MEGF8: variants seen among roughly 807,000 people sequenced by gnomAD.
MEGF8 encodes multiple EGF like domains 8.
MEGF8 carries 156 observed loss-of-function variants against 302.9 expected under a neutral mutation model. That is an observed-to-expected ratio of 0.52 (90% confidence interval 0.45 to 0.59). MEGF8 has a LOEUF of 0.59. Among genes scored for constraint, MEGF8 ranks in the 20% least tolerant of loss-of-function variants. MEGF8 has a pLI of 0.00. For synonymous variants in MEGF8, 1,621 were observed against 1,660.5 expected (o/e 0.98, Z 0.58); for missense variants, 3,345 against 3,964.5 (o/e 0.84, Z 4.20).
intron 34 of MEGF8, 46 bp from the exon 35 acceptor site, chr19:42,363,002 G>T (rs201232345): frequency 6.5e-7 from 1 of 1,530,162 alleles, no homozygotes; most frequent in Non-Finnish European, 9.0e-7. Flanking sequence ...GGCTGGGCTT[G>T]CGATCTCCTG....
Position 42,368,311 on chromosome 19 carries a change from G to A in MEGF8, c.6274-144G>A. On this transcript the variant is annotated intron_variant, in intron 35 of 41. Coordinates refer to ENST00000251268, the MANE Select transcript of MEGF8 (RefSeq NM_001271938.2). The surrounding 1 kb of genome is among the most constrained non-coding windows in gnomAD (Gnocchi z 4.9). ...AGGGAAAACATGATGACCCCAGCTA[G>A]TGTCCACTTTGCTCTACCTGTGGCC... is the stretch of plus-strand genomic sequence containing the variant. 1.5e-6 allele frequency: 1 copy of A among 671,504 alleles called. No homozygotes were observed. Among genetic ancestry groups the A allele is most frequent in the South Asian group, 2.0e-5 (1 of 49,196 alleles). 41.6% of individuals were successfully genotyped at this position (671,504 alleles called of 1,614,324 possible).
Position 42,362,617 on chromosome 19 carries a change from C to G in MEGF8, c.6058+20C>G. On this transcript the variant is annotated intron_variant, in intron 34 of 41. Transcript: ENST00000251268. ...GGACAGGTGAGCAGTGGGCCTAGTTCCTGAGAGGGGAGTCTTGGGGCCTGG... is the reference window on the plus strand; with the variant it reads ...GGACAGGTGAGCAGTGGGCCTAGTTGCTGAGAGGGGAGTCTTGGGGCCTGG... 6.2e-7 allele frequency: 1 copy of G among 1,605,194 alleles called. No homozygotes were observed. Among genetic ancestry groups the G allele is most frequent in the Non-Finnish European group, 8.5e-7 (1 of 1,178,074 alleles).
In MEGF8 at chr19:42,376,433, G is replaced by T; in HGVS notation, c.8196G>T (p.Leu2732=). 1 of 1,612,138 alleles carries T rather than the reference G, an allele frequency of 6.2e-7. No homozygotes were observed. Among genetic ancestry groups the T allele is most frequent in the Non-Finnish European group, 8.5e-7 (1 of 1,179,512 alleles). ...CCTTCCGCCGCTCTGAGCCCTTCCTGGCACCCCTGCTGCTGACAGGGGCCG... is the reference window on the plus strand; with the variant it reads ...CCTTCCGCCGCTCTGAGCCCTTCCTTGCACCCCTGCTGCTGACAGGGGCCG... The part of the protein sequence containing the change: ...PPAFRRSEPF[L]APLLLTGAGG... Residue 2732 remains leucine (L), a synonymous_variant, in exon 42 of 42, where the codon CTG becomes CTT. Coordinates refer to ENST00000251268, the MANE Select transcript of MEGF8 (RefSeq NM_001271938.2). The surrounding 1 kb of genome is among the most constrained non-coding windows in gnomAD (Gnocchi z 8.2).
At chr19:42,363,850 C>A (rs2039567465) in intron 35 of MEGF8, among the ~76,000 whole-genome samples, 1 of 152,234 alleles carries the variant, frequency 6.6e-6, no homozygotes, top group South Asian at 2.1e-4. Context: ...GTTCTCCACA[C>A]TTCTCCATTG....
At chr19:42,349,840 G>A in intron 14 of MEGF8, 141 bp downstream of exon 14, 1 of 869,612 alleles carries the variant, frequency 1.1e-6, no homozygotes, top group Non-Finnish European at 1.8e-6. Flanking sequence ...CTGAACTCTG[G>A]ACCTCCTCTT....
intron 35 of MEGF8, among the ~76,000 whole-genome samples, chr19:42,367,078 C>G (rs928018538): frequency 6.6e-6 from 1 of 152,142 alleles, no homozygotes; most frequent in Non-Finnish European, 1.5e-5. Flanking sequence ...ACTTATGGCC[C>G]AAGCAATAAA....
intron 7 of MEGF8, 26 bp from the exon 8 acceptor site, chr19:42,337,058 G>T: frequency 1.2e-6 from 2 of 1,613,450 alleles, no homozygotes; most frequent in Non-Finnish European, 8.5e-7. Flanking sequence ...AGGCTTGCCA[G>T]CTATGCCCCT....
Position 42,334,150 on chromosome 19 carries a change from G to C in MEGF8, c.495G>C (p.Gly165=), listed in dbSNP as rs146885610. Reference sequence around the variant, plus strand: ...TGTGTGCCTGCGAGCCGGGCTGGGGGGGTCCTGACTGTGGCCTGCAGGAGT... The same window carrying C: ...TGTGTGCCTGCGAGCCGGGCTGGGGCGGTCCTGACTGTGGCCTGCAGGAGT... ...PGVCACEPGW[G]GPDCGLQECS... is the part of the protein sequence containing the mutation. The change falls in exon 3 of 42, where the codon GGG becomes GGC. Residue 165 remains glycine, a synonymous_variant. Transcript: ENST00000251268. 1.4e-3 allele frequency: 2,177 copies of C among 1,611,598 alleles called. 13 individuals are homozygous for C. Among genetic ancestry groups the C allele is most frequent in the South Asian group, 9.7e-3 (884 of 91,026 alleles).
chr19:42,370,344 A>C lies in MEGF8; in HGVS notation c.6990A>C (p.Ser2330=). 2 of 1,583,730 alleles carry C rather than the reference A, an allele frequency of 1.3e-6. No homozygotes were observed. Among genetic ancestry groups the C allele is most frequent in the Non-Finnish European group, 1.7e-6 (2 of 1,164,494 alleles). Residue 2330 remains serine (S), a synonymous_variant, in exon 39 of 42, where the codon TCA becomes TCC. Transcript: ENST00000251268. ...QMSKGEPKKY[S]LDPEEIENWV... ...CCAAGGGAGAGCCAAAGAAGTACTC[A>C]CTGGACCCAGAGGAGGTGAAAGAGA...
intron 15 of MEGF8, among the ~76,000 whole-genome samples, chr19:42,350,756 G>T (rs2039357033): frequency 6.6e-6 from 1 of 152,160 alleles, no homozygotes. Context: ...TGGCAAGGGA[G>T]CCGTTAAGGG....
At chr19:42,360,629 G>A in intron 31 of MEGF8, 146 bp from the exon 32 acceptor site, 2 of 1,452,382 alleles carry the variant, frequency 1.4e-6, no homozygotes, top group Non-Finnish European at 9.1e-7. Context: ...ACAGGTGTGA[G>A]CCACCGCCCT....
At chr19:42,363,319 T>C in intron 35 of MEGF8, 57 bp downstream of exon 35, 1 of 1,433,616 alleles carries the variant, frequency 7.0e-7, no homozygotes, top group East Asian at 2.5e-5. Flanking sequence ...CTCCCTCCTC[T>C]CTGCGCTGGC....
In MEGF8 at chr19:42,357,863, C is replaced by T. The variant is rs979311382; in HGVS notation, c.5011+279C>T. ...CTCAAGGGTTCTTCCTCGATCACACCTCCTTTCTTTGATCACTGTCCCCTA... is the reference window on the plus strand; with the variant it reads ...CTCAAGGGTTCTTCCTCGATCACACTTCCTTTCTTTGATCACTGTCCCCTA... On this transcript the variant is annotated intron_variant, in intron 28 of 41. Transcript: ENST00000251268. The surrounding 1 kb of genome is among the most constrained non-coding windows in gnomAD (Gnocchi z 5.2). Among the ~76,000 whole-genome samples, 4 of 152,318 alleles carry T rather than the reference C, an allele frequency of 2.6e-5. No individual in the cohort carries two copies. The highest frequency in any genetic ancestry group is 3.4e-3 in the Middle Eastern group (1 of 294).
At chr19:42,333,950 C>G in intron 2 of MEGF8, 57 bp from the exon 3 acceptor site, 1 of 1,562,490 alleles carries the variant, frequency 6.4e-7, no homozygotes, top group Non-Finnish European at 8.7e-7. Context: ...GTGGGCCACC[C>G]TCCCAGGACA....
At chr19:42,363,299 C>A in intron 35 of MEGF8, 37 bp downstream of exon 35, 1 of 1,536,016 alleles carries the variant, frequency 6.5e-7, no homozygotes, top group Non-Finnish European at 8.8e-7. Flanking sequence ...AGGCAAGGGC[C>A]CGGGCAGGTC....
intron 8 of MEGF8, among the ~76,000 whole-genome samples, chr19:42,338,020 A>G (rs1049712085): frequency 1.3e-5 from 2 of 151,806 alleles, no homozygotes; most frequent in Admixed American, 1.3e-4. Flanking sequence ...TGGCCAGGCC[A>G]GTCTCAAACT....
intron 15 of MEGF8, 61 bp downstream of exon 15, chr19:42,350,445 A>C: frequency 7.2e-7 from 1 of 1,396,160 alleles, no homozygotes; most frequent in South Asian, 1.5e-5. Flanking sequence ...GGCAATGGGC[A>C]GTCAAGGGAA....
rs1224632697 is a variant in MEGF8, at chr19:42,370,360, G to T, written c.7005+1G>T. 6.4e-7 allele frequency: 1 copy of T among 1,566,616 alleles called. No individual in the cohort carries two copies. The highest frequency in any genetic ancestry group is 8.7e-7 in the Non-Finnish European group (1 of 1,155,856). On this transcript the variant is annotated splice_donor_variant, in intron 39 of 41. Transcript: ENST00000251268. LOFTEE classifies it high-confidence loss of function. ...GAAGTACTCACTGGACCCAGAGGAG[G>T]TGAAAGAGAGGGGTCAGATGCCTGG...
chr19:42,343,263 T>A (rs2039239997), intron 8 of MEGF8, among the ~76,000 whole-genome samples: 1 of 152,146 alleles, frequency 6.6e-6, no homozygotes, highest in Admixed American at 6.5e-5. Flanking sequence ...ACCCAAGTCT[T>A]TCTGACCCTA....
Sources: allele counts gnomAD v4.1 joint callset (sites outside exome capture counted in the v4.1 genomes callset), GRCh38; gene constraint gnomAD v4.1.1; non-coding constraint Gnocchi (gnomAD v3.1); transcripts MANE v1.5; gene names NCBI Gene and HGNC (gene_info 2026-07-23, HGNC 2026-07-21).